Variants in RTN4RL1 observed in about 807,000 individuals in gnomAD.
The protein encoded by RTN4RL1 is reticulon-4 receptor-like 1.
Under a neutral mutation model 25.6 loss-of-function variants are expected in RTN4RL1, and 7 were observed. The ratio of observed to expected loss-of-function variants is 0.27; its 90% CI spans 0.16 to 0.51. The LOEUF (loss-of-function observed/expected upper bound fraction) is 0.51, where lower values mean the gene tolerates loss of function less well. Among genes scored for constraint, RTN4RL1 ranks in the 20% least tolerant of loss-of-function variants. The pLI, the probability that RTN4RL1 is intolerant of heterozygous loss-of-function variation, is 0.97. For synonymous variants in RTN4RL1, 297 were observed against 288.2 expected (o/e 1.03, Z -0.31); for missense variants, 500 against 615.6 (o/e 0.81, Z 1.99).
At chr17:1,961,385 CGA>C (rs961109785) in intron 1 of RTN4RL1, among the ~76,000 whole-genome samples, 21 of 152,208 alleles carry the variant, frequency 1.4e-4, no homozygotes, top group African/African-American at 4.6e-4. Flanking sequence ...CCTGGAGGCG[CGA>C]GAGAGGGAGA....
intron 1 of RTN4RL1, among the ~76,000 whole-genome samples, chr17:1,977,497 G>A (rs1244994831): frequency 6.6e-6 from 1 of 152,222 alleles, no homozygotes; most frequent in East Asian, 1.9e-4. Context: ...AAACAAGAGC[G>A]GGGTCGAGAG....
chr17:1,947,938 G>A (rs544178480), intron 1 of RTN4RL1, among the ~76,000 whole-genome samples: 1 of 152,152 alleles, frequency 6.6e-6, no homozygotes, highest in Non-Finnish European at 1.5e-5. Flanking sequence ...AGTGGGACAG[G>A]GCTGGTTGTA....
rs954319726 is a variant in RTN4RL1, at chr17:1,994,045, C to G, written c.13+30808G>C. Among the ~76,000 whole-genome samples the G allele has an allele frequency of 9.2e-5, 14 of 152,128 alleles. No individual in the cohort carries two copies. Among genetic ancestry groups the G allele is most frequent in the Admixed American group, 2.6e-4 (4 of 15,258 alleles). ...AAAAACAAAGCCCCCCAGTCCCCAC[C>G]CCCGGCTACGCTGAACCACCCCGTT... On this transcript the variant is annotated intron_variant, in intron 1 of 1. Transcript: ENST00000331238. This position sits in a 1 kb window ranked among gnomAD's most constrained non-coding sequence, Gnocchi z 4.3.
intron 1 of RTN4RL1, among the ~76,000 whole-genome samples, chr17:1,970,914 C>T (rs949574921): frequency 6.6e-6 from 1 of 152,144 alleles, no homozygotes; most frequent in East Asian, 1.9e-4. Context: ...GAGACCCTCT[C>T]CCTAGAGAAG....
intron 1 of RTN4RL1, among the ~76,000 whole-genome samples, chr17:2,007,335 CCA>C (rs773716768): frequency 0.013 from 1,554 of 117,456 alleles, 46 homozygotes; most frequent in Admixed American, 0.096. Flanking sequence ...GTTCACAGCC[CCA>C]ACACACACAC....
chr17:1,953,180 G>C (rs1915721085), intron 1 of RTN4RL1, among the ~76,000 whole-genome samples: 1 of 152,100 alleles, frequency 6.6e-6, no homozygotes, highest in African/African-American at 2.4e-5. Context: ...GGCAAAGATG[G>C]GAGGATTGTT....
In RTN4RL1 at chr17:1,959,010, C is replaced by T. The variant is rs573773737; in HGVS notation, c.14-21202G>A. Among the ~76,000 whole-genome samples the T allele has an allele frequency of 5.1e-4, 77 of 152,342 alleles. 1 individual carries two copies. In the Middle Eastern group the frequency reaches 0.01, roughly 20 times the overall value. ...CCTGAGAGGCAAAAGGGAAAAGACGCGGAGGGTGAGGCCCTCTCAAAACAC... is the reference window on the plus strand; with the variant it reads ...CCTGAGAGGCAAAAGGGAAAAGACGTGGAGGGTGAGGCCCTCTCAAAACAC... On this transcript the variant is annotated intron_variant, in intron 1 of 1. Coordinates refer to ENST00000331238, the MANE Select transcript of RTN4RL1 (RefSeq NM_178568.4).
chr17:2,016,324 T>G (rs761220175), intron 1 of RTN4RL1, among the ~76,000 whole-genome samples: 1 of 152,036 alleles, frequency 6.6e-6, no homozygotes, highest in Non-Finnish European at 1.5e-5. Flanking sequence ...GAATTTGCAG[T>G]GAGCCAAGAT....
At chr17:1,984,241 C>T (rs1261113693) in intron 1 of RTN4RL1, among the ~76,000 whole-genome samples, 1 of 152,228 alleles carries the variant, frequency 6.6e-6, no homozygotes, top group African/African-American at 2.4e-5. Context: ...GCCTGAGGCC[C>T]ACCAGGTGCC....
intron 1 of RTN4RL1, among the ~76,000 whole-genome samples, chr17:1,999,401 G>A (rs907263503): frequency 1.6e-4 from 24 of 150,880 alleles, no homozygotes; most frequent in Admixed American, 1.3e-3. Flanking sequence ...AACCGAGATC[G>A]CGCCACTGCA....
intron 1 of RTN4RL1, among the ~76,000 whole-genome samples, chr17:2,006,711 C>CCCGG (rs1434512860): frequency 3.3e-5 from 5 of 152,270 alleles, no homozygotes; most frequent in Non-Finnish European, 7.3e-5. Flanking sequence ...ACTTCCGCCT[C>CCCGG]CCGGCTTCAA....
At chr17:1,987,341 C>T (rs1027583171) in intron 1 of RTN4RL1, among the ~76,000 whole-genome samples, 2 of 152,132 alleles carry the variant, frequency 1.3e-5, no homozygotes, top group African/African-American at 2.4e-5. Context: ...CCACAACTTT[C>T]GTTCAAGCCT....
chr17:1,995,489 G>C (rs1012538623), intron 1 of RTN4RL1: 1 of 150,918 alleles, frequency 6.6e-6, no homozygotes, highest in Non-Finnish European at 1.5e-5. Flanking sequence ...GAGGGCCTAA[G>C]CTTGGCTCTG....
intron 1 of RTN4RL1, among the ~76,000 whole-genome samples, chr17:1,956,888 C>A (rs143836068): frequency 2.6e-5 from 4 of 152,006 alleles, no homozygotes; most frequent in Admixed American, 2.6e-4. Flanking sequence ...GGATTACAGG[C>A]GTCCACCACC....
In RTN4RL1 at chr17:1,937,507, C is replaced by T; in HGVS notation, c.315G>A (p.Leu105=). The change falls in exon 2 of 2, where the codon CTG becomes CTA. Residue 105 remains leucine, a synonymous_variant. Transcript: ENST00000331238. ...TFEGFVHLEE[L]DLGDNRQLRT... Reference sequence around the variant, plus strand: ...GCAGCTGCCGGTTGTCGCCGAGGTCCAGCTCCTCCAGGTGCACGAAGCCCT... The same window carrying T: ...GCAGCTGCCGGTTGTCGCCGAGGTCTAGCTCCTCCAGGTGCACGAAGCCCT... 1 of 1,613,962 alleles carries T rather than the reference C, an allele frequency of 6.2e-7. No individual in the cohort carries two copies. Among genetic ancestry groups the T allele is most frequent in the Non-Finnish European group, 8.5e-7 (1 of 1,179,882 alleles).
At chr17:2,015,434 C>T (rs562506280) in intron 1 of RTN4RL1, among the ~76,000 whole-genome samples, 2 of 152,242 alleles carry the variant, frequency 1.3e-5, no homozygotes, top group East Asian at 1.9e-4. Context: ...ACTGCAGCCA[C>T]GGCCGTGCTG....
intron 1 of RTN4RL1, among the ~76,000 whole-genome samples, chr17:1,966,265 G>A (rs1165607158): frequency 6.6e-6 from 1 of 152,204 alleles, no homozygotes; most frequent in Non-Finnish European, 1.5e-5. Context: ...GGTCCAAATG[G>A]GGATGTTTCA....
intron 1 of RTN4RL1, among the ~76,000 whole-genome samples, chr17:1,939,887 C>T (rs898247379): frequency 1.3e-5 from 2 of 152,222 alleles, no homozygotes; most frequent in South Asian, 2.1e-4. Flanking sequence ...TAGCCTCCAG[C>T]CCCTTTGCTT....
chr17:2,007,147 C>T (rs1199359093), intron 1 of RTN4RL1, among the ~76,000 whole-genome samples: 2 of 152,048 alleles, frequency 1.3e-5, no homozygotes, highest in African/African-American at 4.8e-5. Flanking sequence ...TCTACAAATA[C>T]ATCAAAATCA....
Sources: gnomAD v4.1 joint callset for allele counts (sites outside exome capture counted in the v4.1 genomes callset) on GRCh38, gnomAD v4.1.1 for gene constraint, Gnocchi (gnomAD v3.1) non-coding constraint, MANE v1.5 for transcripts, NCBI Gene and HGNC (gene_info 2026-07-23, HGNC 2026-07-21) for gene names.